Variants in CCNA1 observed in about 807,000 individuals in gnomAD.
CCNA1 encodes the protein cyclin-A1.
In CCNA1, 23 loss-of-function variants were observed where a neutral mutation model predicts 54.1. The observed-to-expected ratio is 0.42, with a 90% CI of 0.31 to 0.60. The LOEUF is 0.60. Among genes scored for constraint, CCNA1 ranks in the 20% least tolerant of loss-of-function variants. The probability of loss-of-function intolerance (pLI) is 0.14; values close to 1 mark genes in which losing one functional copy is unlikely to be tolerated. For missense variants in CCNA1, 450 were observed against 556.7 expected (o/e 0.81, Z 1.93); for synonymous variants, 208 against 213.9 (o/e 0.97, Z 0.24).
In CCNA1 at chr13:36,438,177, C is replaced by T. The variant is rs1359438126; in HGVS notation, c.655C>T (p.Leu219Phe). The change falls in exon 4 of 9, where the codon CTT (leucine) becomes TTT (phenylalanine). Residue 219 changes from leucine to phenylalanine, a missense_variant. Leu to Phe is a conservative substitution (Grantham distance 22). Transcript: ENST00000255465. ...ATATGCTGAAGAAATTTATCAGTAC[C>T]TTAGGGAAGCTGAAGTAAGTTTTCC... 6.2e-7 allele frequency: 1 copy of T among 1,611,206 alleles called. No homozygotes were observed. Among genetic ancestry groups the T allele is most frequent in the East Asian group, 2.2e-5 (1 of 44,852 alleles).
chr13:36,432,557 C>T lies in CCNA1; in HGVS notation c.-65C>T. The stretch of plus-strand genomic sequence containing the variant: ...AGCGGGGCCCGCTTTGGGGTCCAGG[C>T]AGGTTTTGGGGCCTCCTGTCTGGTG... On this transcript the variant is annotated 5_prime_UTR_variant, in exon 1 of 9. Transcript: ENST00000255465. 1 of 940,652 alleles carries T rather than the reference C, an allele frequency of 1.1e-6. No individual in the cohort carries two copies. The highest frequency in any genetic ancestry group is 2.5e-5 in the East Asian group (1 of 39,788). The allele number at this position is 940,652 out of a possible 1,614,324, so 58.3% of individuals were successfully genotyped here.
At chr13:36,433,439 TTTCGTTC>T (rs1338545936) in intron 2 of CCNA1, among the ~76,000 whole-genome samples, 1 of 68,074 alleles carries the variant, frequency 1.5e-5, no homozygotes, top group Non-Finnish European at 3.8e-5. Context: ...TCTTTCTTTC[TTTCGTTC>T]TTTCTTTCTT....
chr13:36,432,637 C>T lies in CCNA1; in HGVS notation c.16C>T (p.Pro6Ser), dbSNP rs2055727394. 1 of 1,597,790 alleles carries T rather than the reference C, an allele frequency of 6.3e-7. No homozygotes were observed. The highest frequency in any genetic ancestry group is 8.5e-7 in the Non-Finnish European group (1 of 1,173,184). The change falls in exon 1 of 9, where the codon CCC (proline) becomes TCC (serine). Residue 6 changes from proline to serine, a missense_variant. Coordinates refer to ENST00000255465, the MANE Select transcript of CCNA1 (RefSeq NM_003914.4). ...GTCACTTGGGATGGAGACCGGCTTT[C>T]CCGCAATCATGTACCCTGGATCTTT...
intron 2 of CCNA1, 152 bp downstream of exon 2, chr13:36,433,373 TCTTTCTTTCTTTCTTTCTTTC>T: frequency 3.1e-5 from 2 of 65,368 alleles, no homozygotes; most frequent in Non-Finnish European, 4.6e-5. Flanking sequence ...TGATTTATTT[TCTTTCTTTCTTTCTTTCTTTC>T]TTTCTTTCTT....
chr13:36,439,924 C>A, intron 5 of CCNA1, 55 bp from the exon 6 acceptor site: 1 of 1,224,362 alleles, frequency 8.2e-7, no homozygotes, highest in Admixed American at 1.7e-5. Context: ...TATGGTAGCA[C>A]AGGAGTAGAG....
chr13:36,436,404 C>T (rs9576051), intron 2 of CCNA1, among the ~76,000 whole-genome samples: 50,128 of 152,150 alleles, frequency 0.33, 9,159 homozygotes, highest in Admixed American at 0.42. Context: ...TTTCAGTCTT[C>T]TTCCACAGAC....
intron 7 of CCNA1, 76 bp downstream of exon 7, chr13:36,441,307 G>A: frequency 1.2e-6 from 1 of 803,420 alleles, no homozygotes; most frequent in Non-Finnish European, 2.1e-6. Flanking sequence ...GGGCAAGTTA[G>A]TTTAATAAGG....
intron 2 of CCNA1, among the ~76,000 whole-genome samples, chr13:36,436,343 A>G (rs1036499337): frequency 2.6e-5 from 4 of 152,184 alleles, no homozygotes; most frequent in African/African-American, 4.8e-5. Context: ...CATGGCCTAT[A>G]TGACTGTCTC....
chr13:36,438,980 T>A, intron 5 of CCNA1, 113 bp downstream of exon 5: 1 of 756,296 alleles, frequency 1.3e-6, no homozygotes, highest in Non-Finnish European at 2.2e-6. Context: ...AAACTAGTCA[T>A]GTGTCCTTTG....
At chr13:36,432,465 T>A, upstream of CCNA1, 1 of 147,790 alleles carries the variant, frequency 6.8e-6, no homozygotes, top group Non-Finnish European at 1.2e-5. Flanking sequence ...GCCGGCCACC[T>A]CTTAACCGCG....
At chr13:36,441,079 C>T (rs756889569) in intron 6 of CCNA1, 39 bp from the exon 7 acceptor site, 1 of 1,115,906 alleles carries the variant, frequency 9.0e-7, no homozygotes, top group South Asian at 1.3e-5. Context: ...ACCTTAGTCA[C>T]ATTTCTAATT....
chr13:36,436,536 T>A (rs931581085), intron 2 of CCNA1, among the ~76,000 whole-genome samples: 4 of 152,258 alleles, frequency 2.6e-5, no homozygotes, highest in African/African-American at 9.6e-5. Context: ...ATTAAATATA[T>A]GTCCCAGCCT....
intron 2 of CCNA1, among the ~76,000 whole-genome samples, chr13:36,433,790 C>T (rs1441326794): frequency 6.6e-6 from 1 of 152,112 alleles, no homozygotes; most frequent in Non-Finnish European, 1.5e-5. Flanking sequence ...ACCCGCCCAC[C>T]TCGGCCTCCC....
At chr13:36,434,730 CA>C (rs34590505) in intron 2 of CCNA1, among the ~76,000 whole-genome samples, 5,068 of 151,566 alleles carry the variant, frequency 0.033, 126 homozygotes, top group Middle Eastern at 0.095. Context: ...AATATAGAAG[CA>C]AGCAGAAGAG....
At chr13:36,435,441 C>G (rs1001748655) in intron 2 of CCNA1, among the ~76,000 whole-genome samples, 4 of 152,224 alleles carry the variant, frequency 2.6e-5, no homozygotes, top group African/African-American at 9.6e-5. Flanking sequence ...GGACTCAATT[C>G]ATAGTCTTTT....
chr13:36,442,377 T>C (rs761673232), intron 8 of CCNA1, 73 bp downstream of exon 8: 1 of 1,478,708 alleles, frequency 6.8e-7, no homozygotes, highest in Admixed American at 1.9e-5. Flanking sequence ...GTTACTAGAT[T>C]AAAAATAGAT....
At chr13:36,433,273 C>T (rs2055739979) in intron 2 of CCNA1, 52 bp downstream of exon 2, 15 of 1,462,918 alleles carry the variant, frequency 1.0e-5, no homozygotes, top group African/African-American at 1.4e-5. Context: ...AGCTCTCCTG[C>T]TTTGGTGCCA....
At chr13:36,434,886 T>C (rs939829191) in intron 2 of CCNA1, among the ~76,000 whole-genome samples, 1 of 150,776 alleles carries the variant, frequency 6.6e-6, no homozygotes, top group African/African-American at 2.5e-5. Flanking sequence ...TCAAGGATGT[T>C]ACTCTAGCCA....
intron 7 of CCNA1, 147 bp downstream of exon 7, chr13:36,441,378 G>A (rs1397887727): frequency 1.8e-6 from 1 of 567,386 alleles, no homozygotes; most frequent in Admixed American, 3.1e-5. Context: ...CAGTCATGAT[G>A]GCTTTGACTC....
Sources: allele counts gnomAD v4.1 joint callset (sites outside exome capture counted in the v4.1 genomes callset), GRCh38; gene constraint gnomAD v4.1.1; transcripts MANE v1.5; gene names NCBI Gene and HGNC (gene_info 2026-07-23, HGNC 2026-07-21).